RBM47: variants seen among roughly 807,000 people sequenced by gnomAD.
RBM47 encodes RNA binding motif protein 47.
In RBM47, 21 loss-of-function variants were observed where a neutral mutation model predicts 47.1. That is an observed-to-expected ratio of 0.45 (90% CI 0.32 to 0.64). The LOEUF (loss-of-function observed/expected upper bound fraction) is 0.64, where lower values mean the gene tolerates loss of function less well. Among genes scored for constraint, RBM47 ranks in the 30% least tolerant of loss-of-function variants. RBM47 has a pLI of 0.05. For missense variants in RBM47, 708 were observed against 870.9 expected (o/e 0.81, Z 2.35); for synonymous variants, 375 against 361.7 (o/e 1.04, Z -0.42).
At chr4:40,589,742 A>C (rs768836754) in intron 1 of RBM47, among the ~76,000 whole-genome samples, 3 of 152,226 alleles carry the variant, frequency 2.0e-5, no homozygotes, top group Admixed American at 1.3e-4. Context: ...CCCAGTCTGA[A>C]CTGTACAATT....
intron 1 of RBM47, among the ~76,000 whole-genome samples, chr4:40,613,999 C>T (rs770404510): frequency 2.0e-5 from 3 of 151,958 alleles, no homozygotes; most frequent in Non-Finnish European, 4.4e-5. Context: ...ATCCCCACTA[C>T]TGCCTCCCAC....
intron 1 of RBM47, among the ~76,000 whole-genome samples, chr4:40,606,674 C>A (rs1735785034): frequency 6.6e-6 from 1 of 152,048 alleles, no homozygotes; most frequent in Non-Finnish European, 1.5e-5. Context: ...AATTGCTTTA[C>A]CTCTTTGTGC....
At chr4:40,508,959 G>A (rs1264815530) in intron 2 of RBM47, among the ~76,000 whole-genome samples, 1 of 152,078 alleles carries the variant, frequency 6.6e-6, no homozygotes, top group Non-Finnish European at 1.5e-5. Context: ...TCAGGAGTTC[G>A]AGACCAGCCT....
At chr4:40,616,353 CAAAAAAAAAAAAAAGA>C (rs1736723906) in intron 1 of RBM47, among the ~76,000 whole-genome samples, 1 of 65,724 alleles carries the variant, frequency 1.5e-5, no homozygotes, top group South Asian at 5.1e-4. Context: ...GACTCTGTCT[CAAAAAAAAAAAAAAGA>C]AAAAAAAAAA....
chr4:40,571,948 G>C (rs1001842468), intron 1 of RBM47, among the ~76,000 whole-genome samples: 2 of 151,434 alleles, frequency 1.3e-5, no homozygotes, highest in Non-Finnish European at 3.0e-5. Context: ...GCTTGAACTC[G>C]GGAGGCGGAG....
At chr4:40,600,985 CAAAAAA>C (rs56054491) in intron 1 of RBM47, among the ~76,000 whole-genome samples, 4 of 50,130 alleles carry the variant, frequency 8.0e-5, no homozygotes, top group Admixed American at 3.0e-4. Flanking sequence ...AACTCCGTCT[CAAAAAA>C]AAAAAAAAAA....
chr4:40,554,659 T>C (rs1169010342), intron 1 of RBM47, among the ~76,000 whole-genome samples: 5 of 152,184 alleles, frequency 3.3e-5, no homozygotes, highest in Non-Finnish European at 7.3e-5. Context: ...TCTTTCTGAT[T>C]GCTCTAGAGG....
At chr4:40,619,872 C>T (rs1737092595) in intron 1 of RBM47, among the ~76,000 whole-genome samples, 1 of 152,166 alleles carries the variant, frequency 6.6e-6, no homozygotes, top group African/African-American at 2.4e-5. Context: ...TATCCAGTGT[C>T]CAGCACACAG....
At chr4:40,453,183 G>T (rs1715718302) in intron 3 of RBM47, among the ~76,000 whole-genome samples, 1 of 152,058 alleles carries the variant, frequency 6.6e-6, no homozygotes, top group South Asian at 2.1e-4. Flanking sequence ...AATACTTAAA[G>T]ATTACTTATT....
intron 3 of RBM47, among the ~76,000 whole-genome samples, chr4:40,455,244 A>G (rs1716058139): frequency 6.6e-6 from 1 of 152,210 alleles, no homozygotes; most frequent in Admixed American, 6.5e-5. Context: ...ATGTTGAAGG[A>G]CTAGAATTCA....
chr4:40,475,933 TG>T (rs1719544826), intron 2 of RBM47, among the ~76,000 whole-genome samples: 1 of 152,152 alleles, frequency 6.6e-6, no homozygotes, highest in Non-Finnish European at 1.5e-5. Context: ...ACAAAGATAA[TG>T]CTCAACAGCA....
chr4:40,423,922 T>G lies in RBM47; in HGVS notation c.*1982A>C, dbSNP rs1714700822. On this transcript the variant is annotated 3_prime_UTR_variant, in exon 7 of 7. Transcript: ENST00000295971. ...TGTCGAGTCACTCATTCCCACAGAT[T>G]TGAGTTTGAATGCAGCTTGTGGGGT... 2 of 152,500 alleles carry G rather than the reference T, an allele frequency of 1.3e-5. No homozygotes were observed. The highest frequency in any genetic ancestry group is 1.9e-4 in the East Asian group (1 of 5,204). 9.4% of individuals were successfully genotyped at this position (152,500 alleles called of 1,614,324 possible).
At chr4:40,623,750 G>A (rs891497546) in intron 1 of RBM47, among the ~76,000 whole-genome samples, 7 of 152,016 alleles carry the variant, frequency 4.6e-5, no homozygotes, top group Middle Eastern at 3.2e-3. Flanking sequence ...TTCTAATTAC[G>A]AAAAAATGCA....
intron 1 of RBM47, among the ~76,000 whole-genome samples, chr4:40,571,608 A>AT (rs1020163762): frequency 1.3e-5 from 2 of 151,992 alleles, no homozygotes; most frequent in East Asian, 1.9e-4. Flanking sequence ...ACTACATAAA[A>AT]TTTTTTTTAA....
chr4:40,440,922 A>C (rs1014821624), intron 3 of RBM47, among the ~76,000 whole-genome samples: 1 of 152,184 alleles, frequency 6.6e-6, no homozygotes, highest in Admixed American at 6.5e-5. Flanking sequence ...CAATTCTTTC[A>C]ATTTTAGAGT....
chr4:40,591,334 C>A (rs1320034072), intron 1 of RBM47, among the ~76,000 whole-genome samples: 3 of 152,176 alleles, frequency 2.0e-5, no homozygotes, highest in Non-Finnish European at 2.9e-5. Flanking sequence ...AAATAGTTAA[C>A]TTTACATTAT....
chr4:40,527,053 C>A (rs1274523196), intron 2 of RBM47, among the ~76,000 whole-genome samples: 1 of 152,022 alleles, frequency 6.6e-6, no homozygotes, highest in Non-Finnish European at 1.5e-5. Context: ...AGAATTTAAT[C>A]TGGAAATGCT....
chr4:40,432,687 A>AGCGGCTGCGGCGGCTGCGGCCGCGGCT lies in RBM47; in HGVS notation c.1479_1505dup (p.Ala494_Ala502dup). On this transcript the variant is annotated inframe_insertion, in exon 6 of 7. Transcript: ENST00000295971. Reference sequence around the variant, plus strand: ...GTGGCGTCGACACAGTGGGAATGACAGCGGCTGCGGCGGCTGCGGCCGCGG... The same window carrying AGCGGCTGCGGCGGCTGCGGCCGCGGCT: ...GTGGCGTCGACACAGTGGGAATGACAGCGGCTGCGGCGGCTGCGGCCGCGGCTGCGGCTGCGGCGGCTGCGGCCGCGG... 6.2e-7 allele frequency: 1 copy of AGCGGCTGCGGCGGCTGCGGCCGCGGCT among 1,610,110 alleles called. No homozygotes were observed. The highest frequency in any genetic ancestry group is 8.5e-7 in the Non-Finnish European group (1 of 1,179,114).
At chr4:40,482,926 T>A (rs1720613398) in intron 2 of RBM47, among the ~76,000 whole-genome samples, 1 of 152,200 alleles carries the variant, frequency 6.6e-6, no homozygotes, top group African/African-American at 2.4e-5. Context: ...GCTCTTATTT[T>A]TTGAAAAATA....
Sources: gnomAD v4.1 joint callset for allele counts (sites outside exome capture counted in the v4.1 genomes callset) on GRCh38, gnomAD v4.1.1 for gene constraint, MANE v1.5 for transcripts, NCBI Gene and HGNC (gene_info 2026-07-23, HGNC 2026-07-21) for gene names.